DOC2B: variants seen among roughly 807,000 people sequenced by gnomAD.
The protein encoded by DOC2B is double C2 domain beta.
DOC2B carries 21 observed loss-of-function variants against 28.9 expected under a neutral mutation model. The observed-to-expected ratio is 0.73, with a 90% CI of 0.52 to 1.05. DOC2B has a LOEUF of 1.05. Ranked by LOEUF, DOC2B falls within the 50% of genes least tolerant of loss-of-function variation. The pLI is 0.00. For synonymous variants in DOC2B, 194 were observed against 178.1 expected (o/e 1.09, Z -0.71); for missense variants, 384 against 421.1 (o/e 0.91, Z 0.77).
At position 181,455 on chromosome 17, in the gene DOC2B, T is replaced by G; in HGVS notation, c.25A>C (p.Lys9Gln). The G allele has an allele frequency of 8.8e-7, 1 of 1,137,178 alleles. No homozygotes were observed. Among genetic ancestry groups the G allele is most frequent in the Non-Finnish European group, 1.1e-6 (1 of 916,338 alleles). 70.4% of individuals were successfully genotyped at this position (1,137,178 alleles called of 1,614,324 possible). MTLRRRGE[K>Q]ATISIQEHMA... ...TGCTCCTGGATGCTGATGGTCGCCT[T>G]CTCCCCGCGCCGCCGGAGGGTCATG... is the stretch of plus-strand genomic sequence containing the variant. The change falls in exon 1 of 9, where the codon AAG (lysine) becomes CAG (glutamine). Residue 9 changes from lysine to glutamine, a missense_variant. Lys to Gln is a moderately conservative substitution (Grantham distance 53). Transcript: ENST00000613549. This position sits in a 1 kb window ranked among gnomAD's most constrained non-coding sequence, Gnocchi z 7.0.
chr17:165,843 G>A (rs537916633), intron 2 of DOC2B, among the ~76,000 whole-genome samples: 1 of 152,360 alleles, frequency 6.6e-6, no homozygotes, highest in East Asian at 1.9e-4. Context: ...CTGACCAGGC[G>A]GTGCCTGACT....
intron 3 of DOC2B, 85 bp downstream of exon 3, chr17:164,045 G>A (rs2040233779): frequency 8.7e-7 from 1 of 1,149,100 alleles, no homozygotes; most frequent in Admixed American, 2.1e-5. Context: ...GCCCAGTCCA[G>A]GCCCCAAAGC....
chr17:149,142 T>C lies in DOC2B; in HGVS notation c.974A>G (p.Lys325Arg), dbSNP rs1176119006. 5.0e-6 allele frequency: 2 copies of C among 399,718 alleles called. No homozygotes were observed. Among genetic ancestry groups the C allele is most frequent in the Admixed American group, 4.4e-5 (1 of 22,720 alleles). The allele number at this position is 399,718 out of a possible 1,614,324, so 24.8% of individuals were successfully genotyped here. A position where few individuals can be genotyped will look rare whatever the true frequency, so the allele number is the denominator to read the frequency against. Reference protein sequence around the residue: ...DKKSKHKTAVKKKTLNPEFNE... With the variant: ...DKKSKHKTAVRKKTLNPEFNE... ...AAACTCCGGGTTCAGGGTTTTTTTC[T>C]TCACCGCTGTCTTATGTTTGGATTT... The change falls in exon 7 of 9, where the codon AAG (lysine) becomes AGG (arginine). Residue 325 changes from lysine to arginine, a missense_variant. By Grantham distance (26) the Lys-to-Arg change is conservative. Transcript: ENST00000613549.
At chr17:151,125 G>A (rs991691545) in intron 6 of DOC2B, among the ~76,000 whole-genome samples, 1 of 152,138 alleles carries the variant, frequency 6.6e-6, no homozygotes, top group Non-Finnish European at 1.5e-5. Context: ...TTAAAAATTA[G>A]CTGGGCATGG....
chr17:173,696 T>C (rs908043493), intron 1 of DOC2B, among the ~76,000 whole-genome samples: 2 of 152,136 alleles, frequency 1.3e-5, no homozygotes, highest in Non-Finnish European at 2.9e-5. Context: ...GAGGTGATGC[T>C]TCACCTGAGC....
chr17:155,916 A>C, intron 6 of DOC2B: 1 of 378,702 alleles, frequency 2.6e-6, no homozygotes. Flanking sequence ...CCCCTCCTGC[A>C]ACTCATGGCC....
At position 180,403 on chromosome 17, in the gene DOC2B, TG is replaced by T. The variant is rs200900395; in HGVS notation, c.373+703del. 7.1e-3 allele frequency among the ~76,000 whole-genome samples: 1,081 copies of T among 151,788 alleles called. 43 individuals are homozygous for T. In the East Asian group the frequency reaches 0.082, roughly 12 times the overall value. On this transcript the variant is annotated intron_variant, in intron 1 of 8. Transcript: ENST00000613549. ...CAGTCCGGGAGGAGGGGGAGCGGGC[TG>T]GGGGGCCCTCTCTGCCCGGGGGCCG... is the stretch of plus-strand genomic sequence containing the variant.
intron 5 of DOC2B, among the ~76,000 whole-genome samples, chr17:157,128 C>T (rs1044793226): frequency 1.1e-4 from 16 of 152,330 alleles, no homozygotes; most frequent in African/African-American, 3.6e-4. Context: ...CTGCAGCCCC[C>T]GGCCTGGCGC....
intron 1 of DOC2B, among the ~76,000 whole-genome samples, chr17:176,946 G>A (rs149830612): frequency 6.6e-6 from 1 of 151,916 alleles, no homozygotes; most frequent in East Asian, 1.9e-4. Context: ...CTGCTTGGCT[G>A]ATGTAGACCT....
At chr17:179,582 C>A (rs2040411851) in intron 1 of DOC2B, among the ~76,000 whole-genome samples, 1 of 152,066 alleles carries the variant, frequency 6.6e-6, no homozygotes. Flanking sequence ...TCAGGGCAGC[C>A]AAAGCAGTTA....
chr17:181,132 G>A lies in DOC2B; in HGVS notation c.348C>T (p.Ala116=). Residue 116 remains alanine (A), a synonymous_variant, in exon 1 of 9, where the codon GCC becomes GCT. Transcript: ENST00000613549. The surrounding 1 kb of genome is among the most constrained non-coding windows in gnomAD (Gnocchi z 7.0). ...TGCAGTCGTCCGACTCGTAGCCGTC[G>A]GCGTCCGGCTCGTCCTCCGGCGGCT... ...PAKPPEDEPD[A]DGYESDDCTA... 1.6e-6 allele frequency: 2 copies of A among 1,253,322 alleles called. No homozygotes were observed. The highest frequency in any genetic ancestry group is 1.0e-6 in the Non-Finnish European group (1 of 999,654). 77.6% of individuals were successfully genotyped at this position (1,253,322 alleles called of 1,614,324 possible).
chr17:180,025 A>G (rs963445489), intron 1 of DOC2B, among the ~76,000 whole-genome samples: 1 of 152,208 alleles, frequency 6.6e-6, no homozygotes, highest in African/African-American at 2.4e-5. Context: ...GGCCCTGGTG[A>G]GTGCCCAGGC....
chr17:159,563 G>A (rs1029121304), intron 5 of DOC2B, among the ~76,000 whole-genome samples: 3 of 152,210 alleles, frequency 2.0e-5, no homozygotes, highest in Admixed American at 2.0e-4. Context: ...GGTAGAGGTT[G>A]CAGTGAACAG....
chr17:177,503 CCT>C (rs2040383634), intron 1 of DOC2B, among the ~76,000 whole-genome samples: 1 of 152,230 alleles, frequency 6.6e-6, no homozygotes, highest in African/African-American at 2.4e-5. Context: ...TCCTCTTTTC[CCT>C]CTGTCAGCCC....
intron 5 of DOC2B, among the ~76,000 whole-genome samples, chr17:158,903 G>C (rs1567530950): frequency 6.7e-6 from 1 of 148,476 alleles, no homozygotes; most frequent in Non-Finnish European, 1.5e-5. Context: ...AAATTAGCCG[G>C]GTGTGGTGGC....
chr17:165,913 T>C (rs2040258090), intron 2 of DOC2B, among the ~76,000 whole-genome samples: 1 of 152,240 alleles, frequency 6.6e-6, no homozygotes, highest in South Asian at 2.1e-4. Context: ...AATGTTTCCA[T>C]TTGGGCCACG....
intron 7 of DOC2B, among the ~76,000 whole-genome samples, chr17:148,767 C>T (rs1199003100): frequency 6.6e-6 from 1 of 152,140 alleles, no homozygotes; most frequent in Non-Finnish European, 1.5e-5. Context: ...CCGTACTTGC[C>T]GCCTTGGGCG....
At position 145,959 on chromosome 17, in the gene DOC2B, T is replaced by C. The variant is rs2040015366; in HGVS notation, c.*1482A>G. 6.6e-6 allele frequency: 1 copy of C among 152,400 alleles called. No homozygotes were observed. Among genetic ancestry groups the C allele is most frequent in the South Asian group, 2.1e-4 (1 of 4,838 alleles). 9.4% of individuals were successfully genotyped at this position (152,400 alleles called of 1,614,324 possible). A position where few individuals can be genotyped will look rare whatever the true frequency, so the allele number is the denominator to read the frequency against. On this transcript the variant is annotated 3_prime_UTR_variant, in exon 9 of 9. Coordinates refer to ENST00000613549, the MANE Select transcript of DOC2B (RefSeq NM_003585.5). ...ACTGGGACTCTGGCTGTGCAACTCCTTGGCTCTGCATTTGTTCACCCAGCG... is the reference window on the plus strand; with the variant it reads ...ACTGGGACTCTGGCTGTGCAACTCCCTGGCTCTGCATTTGTTCACCCAGCG...
intron 1 of DOC2B, among the ~76,000 whole-genome samples, chr17:178,544 G>A (rs905566212): frequency 6.6e-6 from 1 of 152,226 alleles, no homozygotes; most frequent in African/African-American, 2.4e-5. Flanking sequence ...CGCCACAGAG[G>A]CCACCCTAGG....
Sources: gnomAD v4.1 joint callset for allele counts (sites outside exome capture counted in the v4.1 genomes callset) on GRCh38, gnomAD v4.1.1 for gene constraint, Gnocchi (gnomAD v3.1) non-coding constraint, MANE v1.5 for transcripts, NCBI Gene and HGNC (gene_info 2026-07-23, HGNC 2026-07-21) for gene names.